Variants in SFRP5 observed in about 807,000 individuals in gnomAD.
SFRP5 encodes the protein secreted frizzled-related protein 5.
In SFRP5, 22 loss-of-function variants were observed where a neutral mutation model predicts 27.0. The ratio of observed to expected loss-of-function variants is 0.82; its 90% CI spans 0.58 to 1.17. The LOEUF (loss-of-function observed/expected upper bound fraction) is 1.17, where lower values mean the gene tolerates loss of function less well. Among genes scored for constraint, SFRP5 ranks in the 50% most tolerant of loss-of-function variants. SFRP5 has a pLI of 0.00. For missense variants in SFRP5, 406 were observed against 436.6 expected (o/e 0.93, Z 0.63); for synonymous variants, 171 against 195.0 (o/e 0.88, Z 1.03).
At position 97,768,157 on chromosome 10, in the gene SFRP5, G is replaced by A. The variant is rs560195274; in HGVS notation, c.608-297C>T. On this transcript the variant is annotated intron_variant, in intron 2 of 2. Transcript: ENST00000266066. ...AGCCCTTCTGAGACACCAAAGGCAG[G>A]GTGGAGAGCTCTTGATGGAGCAGCA... is the stretch of plus-strand genomic sequence containing the variant. 9.9e-5 allele frequency among the ~76,000 whole-genome samples: 15 copies of A among 152,236 alleles called. No homozygotes were observed. In the South Asian group the frequency reaches 3.1e-3, roughly 32 times the overall value.
chr10:97,770,233 C>G (rs1204500385), intron 1 of SFRP5, among the ~76,000 whole-genome samples: 1 of 152,198 alleles, frequency 6.6e-6, no homozygotes, highest in Non-Finnish European at 1.5e-5. Flanking sequence ...CCACGCTCGG[C>G]TAATTTTTGT....
At chr10:97,769,255 G>C (rs2049502471) in intron 2 of SFRP5, among the ~76,000 whole-genome samples, 1 of 152,184 alleles carries the variant, frequency 6.6e-6, no homozygotes, top group Admixed American at 6.5e-5. Flanking sequence ...CTGAGTCCCA[G>C]GTGGAGGTAC....
Position 97,767,875 on chromosome 10 carries a change from G to A in SFRP5, c.608-15C>T. On this transcript the variant is annotated splice_polypyrimidine_tract_variant and intron_variant, in intron 2 of 2. Coordinates refer to ENST00000266066, the MANE Select transcript of SFRP5 (RefSeq NM_003015.3). ...CATTTTGACCACTGTGGGAAGAAAG[G>A]ACAGGGGCAAGTTGGGAATGGTCAG... 1 of 1,512,996 alleles carries A rather than the reference G, an allele frequency of 6.6e-7. No homozygotes were observed. The highest frequency in any genetic ancestry group is 8.9e-7 in the Non-Finnish European group (1 of 1,129,548). The allele number at this position is 1,512,996 out of a possible 1,614,324, so 93.7% of individuals were successfully genotyped here.
At position 97,771,512 on chromosome 10, in the gene SFRP5, G is replaced by A. The variant is rs2049516347; in HGVS notation, c.322C>T (p.Leu108=). 2.5e-6 allele frequency: 4 copies of A among 1,610,162 alleles called. No individual in the cohort carries two copies. The highest frequency in any genetic ancestry group is 3.4e-6 in the Non-Finnish European group (4 of 1,177,130). Residue 108 remains leucine (L), a synonymous_variant, in exon 1 of 3, where the codon CTG becomes TTG. Transcript: ENST00000266066. This position sits in a 1 kb window ranked among gnomAD's most constrained non-coding sequence, Gnocchi z 5.2. The part of the protein sequence containing the change: ...KRCHSDTQVF[L]CSLFAPVCLD... The stretch of plus-strand genomic sequence containing the variant: ...CAGACGGGCGCAAAGAGCGAGCACA[G>A]GAAGACCTGCGTATCCGAGTGGCAG...
In SFRP5 at chr10:97,767,565, G is replaced by A. The variant is rs1470455733; in HGVS notation, c.903C>T (p.Tyr301=). 2.5e-6 allele frequency: 4 copies of A among 1,613,274 alleles called. No individual in the cohort carries two copies. The highest frequency in any genetic ancestry group is 2.5e-6 in the Non-Finnish European group (3 of 1,179,998). ...MKFAVKFMFS[Y]PCSLYYPFFY... is the part of the protein sequence containing the mutation. The stretch of plus-strand genomic sequence containing the variant: ...AGAAAGGGTAGTAGAGGGAGCAGGG[G>A]TAGGAGAACATGAATTTGACTGCAA... Residue 301 remains tyrosine (Y), a synonymous_variant, in exon 3 of 3, where the codon TAC becomes TAT. Transcript: ENST00000266066.
chr10:97,768,624 A>G (rs2049498790), intron 2 of SFRP5, among the ~76,000 whole-genome samples: 1 of 152,066 alleles, frequency 6.6e-6, no homozygotes, highest in African/African-American at 2.4e-5. Context: ...TGTTTGTGCT[A>G]TGTTTAGGAG....
chr10:97,767,915 C>T, intron 2 of SFRP5, 55 bp from the exon 3 acceptor site: 2 of 1,332,752 alleles, frequency 1.5e-6, no homozygotes, highest in South Asian at 2.9e-5. Context: ...GTGTGGGATG[C>T]TGGTGGGCAC....
At position 97,767,773 on chromosome 10, in the gene SFRP5, G is replaced by A. The variant is rs199605298; in HGVS notation, c.695C>T (p.Pro232Leu). The A allele has an allele frequency of 1.4e-5, 22 of 1,574,982 alleles. No individual in the cohort carries two copies. Among genetic ancestry groups the A allele is most frequent in the African/African-American group, 9.6e-5 (7 of 73,006 alleles). The change falls in exon 3 of 3, where the codon CCG becomes CTG. Residue 232 changes from proline (P) to leucine (L), a missense_variant. Pro to Leu is a moderately conservative substitution (Grantham distance 98, BLOSUM62 -3). Coordinates refer to ENST00000266066, the MANE Select transcript of SFRP5 (RefSeq NM_003015.3). The stretch of plus-strand genomic sequence containing the variant: ...GGTGTCCTTGCGCTTCAGGGGGCCC[G>A]GCTTGAGCAGCTTCTTCTTTTTCTG... ...GAQKKKKLLKPGPLKRKDTKR... is the reference protein window; with the variant it reads ...GAQKKKKLLKLGPLKRKDTKR...
In SFRP5 at chr10:97,771,185, A is replaced by C; in HGVS notation, c.529+120T>G. 2 of 571,564 alleles carry C rather than the reference A, an allele frequency of 3.5e-6. No homozygotes were observed. The highest frequency in any genetic ancestry group is 2.9e-6 in the Non-Finnish European group (1 of 345,052). The allele number at this position is 571,564 out of a possible 1,614,324, so 35.4% of individuals were successfully genotyped here. A position where few individuals can be genotyped will look rare whatever the true frequency, so the allele number is the denominator to read the frequency against. On this transcript the variant is annotated intron_variant, in intron 1 of 2. Coordinates refer to ENST00000266066, the MANE Select transcript of SFRP5 (RefSeq NM_003015.3). This position sits in a 1 kb window ranked among gnomAD's most constrained non-coding sequence, Gnocchi z 5.2. Reference sequence around the variant, plus strand: ...CGGGGACGCTGGGCTGAGCTAGGACAGCGTGTGTGTGTGTGTGTGGGCGGA... The same window carrying C: ...CGGGGACGCTGGGCTGAGCTAGGACCGCGTGTGTGTGTGTGTGTGGGCGGA...
chr10:97,769,552 T>C (rs533829372), intron 2 of SFRP5, 116 bp downstream of exon 2: 4 of 708,020 alleles, frequency 5.6e-6, no homozygotes, highest in East Asian at 2.7e-5. Context: ...GGAGCCATGA[T>C]GCAAAAACTG....
rs750476599 is a variant in SFRP5 at position 97,771,474 on chromosome 10, G to A, written c.360C>T (p.Pro120=). The A allele has an allele frequency of 6.2e-7, 1 of 1,612,350 alleles. No individual in the cohort carries two copies. The highest frequency in any genetic ancestry group is 8.5e-7 in the Non-Finnish European group (1 of 1,178,982). ...SLFAPVCLDR[P]IYPCRSLCEA... ...CGCACAGCGAGCGGCACGGGTAGATGGGCCGGTCGAGACAGACGGGCGCAA... is the reference window on the plus strand; with the variant it reads ...CGCACAGCGAGCGGCACGGGTAGATAGGCCGGTCGAGACAGACGGGCGCAA... Residue 120 remains proline (P), a synonymous_variant, in exon 1 of 3, where the codon CCC becomes CCT. Transcript: ENST00000266066. This position sits in a 1 kb window ranked among gnomAD's most constrained non-coding sequence, Gnocchi z 5.2.
Position 97,767,535 on chromosome 10 carries a change from G to C in SFRP5, c.933C>G (p.Tyr311Ter). ...CCCTTCAGTGGGGCTCTGCCGCCCCGTAGAAGAAAGGGTAGTAGAGGGAGC... is the reference window on the plus strand; with the variant it reads ...CCCTTCAGTGGGGCTCTGCCGCCCCCTAGAAGAAAGGGTAGTAGAGGGAGC... ...YPCSLYYPFF[Y>*]GAAEPH The change falls in exon 3 of 3, where the codon TAC becomes TAG. Residue 311 changes from tyrosine to a stop codon, truncating the protein, a stop_gained. Coordinates refer to ENST00000266066, the MANE Select transcript of SFRP5 (RefSeq NM_003015.3). LOFTEE classifies it high-confidence loss of function. 3 of 1,610,190 alleles carry C rather than the reference G, an allele frequency of 1.9e-6. No individual in the cohort carries two copies. The highest frequency in any genetic ancestry group is 1.1e-5 in the South Asian group (1 of 90,744).
In SFRP5 at chr10:97,771,253, A is replaced by C; in HGVS notation, c.529+52T>G. 1 of 1,210,780 alleles carries C rather than the reference A, an allele frequency of 8.3e-7. No homozygotes were observed. Among genetic ancestry groups the C allele is most frequent in the African/African-American group, 1.5e-5 (1 of 65,224 alleles). 75.0% of individuals were successfully genotyped at this position (1,210,780 alleles called of 1,614,324 possible). On this transcript the variant is annotated intron_variant, in intron 1 of 2. Transcript: ENST00000266066. This position sits in a 1 kb window ranked among gnomAD's most constrained non-coding sequence, Gnocchi z 5.2. ...CTTGGGGGGTTCGCAGAGCTGTGCT[A>C]GGGGAGCTGCAGGGCCGTCGGAGCG...
At chr10:97,770,710 C>G (rs1035664905) in intron 1 of SFRP5, among the ~76,000 whole-genome samples, 1 of 152,216 alleles carries the variant, frequency 6.6e-6, no homozygotes, top group Non-Finnish European at 1.5e-5. Context: ...GAGCCTTACC[C>G]GAATGACTCC....
intron 2 of SFRP5, among the ~76,000 whole-genome samples, chr10:97,768,410 A>AT (rs2049497500): frequency 6.6e-6 from 1 of 152,030 alleles, no homozygotes; most frequent in African/African-American, 2.4e-5. Flanking sequence ...GCTGGCAAAT[A>AT]TTTAACAGCC....
At chr10:97,770,438 G>A (rs1326537189) in intron 1 of SFRP5, among the ~76,000 whole-genome samples, 2 of 152,154 alleles carry the variant, frequency 1.3e-5, no homozygotes, top group Non-Finnish European at 2.9e-5. Context: ...AGCAGACGGG[G>A]AGGAAGGGGG....
rs1366472856 is a variant in SFRP5, at chr10:97,767,700, TG to T, written c.767del (p.Pro256HisfsTer36). The T allele has an allele frequency of 6.2e-7, 1 of 1,614,004 alleles. No individual in the cohort carries two copies. Among genetic ancestry groups the T allele is most frequent in the Non-Finnish European group, 8.5e-7 (1 of 1,179,960 alleles). On this transcript the variant is annotated frameshift_variant, in exon 3 of 3. Transcript: ENST00000266066. LOFTEE classifies it high-confidence loss of function. ...AGCTGCCCGCCAGGCTGTCCAGCTGTGGGCAGGGGCAGCCCGCGCCATTCTT... is the reference window on the plus strand; with the variant it reads ...AGCTGCCCGCCAGGCTGTCCAGCTGTGGCAGGGGCAGCCCGCGCCATTCTT... ...HMKNGAGCPCPQLDSLAGSFL... is the reference protein window; with the variant it reads ...HMKNGAGCPCXQLDSLAGSFL...
Position 97,771,168 on chromosome 10 carries a change from C to T in SFRP5, c.529+137G>A. On this transcript the variant is annotated intron_variant, in intron 1 of 2. Transcript: ENST00000266066. The surrounding 1 kb of genome is among the most constrained non-coding windows in gnomAD (Gnocchi z 5.2). ...GCTGCGGGGGATAATTCCGGGGACG[C>T]TGGGCTGAGCTAGGACAGCGTGTGT... The T allele has an allele frequency of 1.7e-6, 1 of 575,816 alleles. No homozygotes were observed. Among genetic ancestry groups the T allele is most frequent in the South Asian group, 2.4e-5 (1 of 41,810 alleles). The allele number at this position is 575,816 out of a possible 1,614,324, so 35.7% of individuals were successfully genotyped here. A position where few individuals can be genotyped will look rare whatever the true frequency, so the allele number is the denominator to read the frequency against.
rs1370385264 is a variant in SFRP5 at position 97,771,719 on chromosome 10, C to G, written c.115G>C (p.Ala39Pro). The change falls in exon 1 of 3, where the codon GCC (alanine) becomes CCC (proline). Residue 39 changes from alanine to proline, a missense_variant. Coordinates refer to ENST00000266066, the MANE Select transcript of SFRP5 (RefSeq NM_003015.3). This position sits in a 1 kb window ranked among gnomAD's most constrained non-coding sequence, Gnocchi z 5.2. ...TAGGAGCGGCCGTGCAGCGGCTCGG[C>G]CTGCCAGCCATAGTAGTCGTACTCC... ...CEEYDYYGWQ[A>P]EPLHGRSYSK... The G allele has an allele frequency of 1.1e-5, 17 of 1,596,618 alleles. No homozygotes were observed. Among genetic ancestry groups the G allele is most frequent in the Non-Finnish European group, 1.4e-5 (16 of 1,179,292 alleles).
Sources: gnomAD v4.1 joint callset for allele counts (sites outside exome capture counted in the v4.1 genomes callset) on GRCh38, gnomAD v4.1.1 for gene constraint, Gnocchi (gnomAD v3.1) non-coding constraint, MANE v1.5 for transcripts, NCBI Gene and HGNC (gene_info 2026-07-23, HGNC 2026-07-21) for gene names.